The following DIPK1B variants were observed in gnomAD, a reference collection of about 807,000 sequenced individuals.
The protein encoded by DIPK1B is family with sequence similarity 69 member B.
Under a neutral mutation model 20.7 loss-of-function variants are expected in DIPK1B, and 17 were observed. The observed-to-expected ratio is 0.82, with a 90% CI of 0.56 to 1.23. DIPK1B has a LOEUF of 1.23. Among genes scored for constraint, DIPK1B ranks in the 50% most tolerant of loss-of-function variants. The pLI is 0.00. For synonymous variants in DIPK1B, 343 were observed against 276.5 expected (o/e 1.24, Z -2.39); for missense variants, 648 against 601.8 (o/e 1.08, Z -0.80).
At chr9:136,716,573 T>C (rs546803394) in intron 1 of DIPK1B, among the ~76,000 whole-genome samples, 1 of 151,960 alleles carries the variant, frequency 6.6e-6, no homozygotes, top group African/African-American at 2.4e-5. Context: ...AGCTAATTTT[T>C]GTATTTTTGT....
At chr9:136,713,970 C>T (rs975142883) in intron 1 of DIPK1B, among the ~76,000 whole-genome samples, 2 of 152,196 alleles carry the variant, frequency 1.3e-5, no homozygotes, top group Non-Finnish European at 2.9e-5. Context: ...CAAGTGGCTA[C>T]ACCGGGAGCT....
chr9:136,716,194 A>T (rs1846493956), intron 1 of DIPK1B, among the ~76,000 whole-genome samples: 1 of 148,554 alleles, frequency 6.7e-6, no homozygotes. Context: ...CTGCTCTTCC[A>T]TCCCCCGGCT....
At chr9:136,721,852 TGTGGGCAGGGGCTCA>T in intron 2 of DIPK1B, 54 bp from the exon 3 acceptor site, 3 of 1,442,480 alleles carry the variant, frequency 2.1e-6, no homozygotes, top group South Asian at 2.3e-5. Flanking sequence ...GCTTCGGGCC[TGTGGGCAGGGGCTCA>T]GTGGGGCAGG....
Position 136,722,147 on chromosome 9 carries a change from A to C in DIPK1B, c.329A>C (p.Asp110Ala), listed in dbSNP as rs563847420. The change falls in exon 4 of 5, where the codon GAC (aspartate) becomes GCC (alanine). Residue 110 changes from aspartate (D) to alanine (A), a missense_variant. Coordinates refer to ENST00000371692, the MANE Select transcript of DIPK1B (RefSeq NM_152421.4). ...GQQVYSGLWR[D>A]KDVTIKCGIE... ...CAGGTGTACAGCGGGCTCTGGCGGGACAAGGATGTAACCATCAAGTGTGGC... is the reference window on the plus strand; with the variant it reads ...CAGGTGTACAGCGGGCTCTGGCGGGCCAAGGATGTAACCATCAAGTGTGGC... The C allele has an allele frequency of 1.2e-6, 2 of 1,613,924 alleles. No individual in the cohort carries two copies. Among genetic ancestry groups the C allele is most frequent in the African/African-American group, 1.3e-5 (1 of 75,014 alleles).
chr9:136,717,437 CGGG>C (rs1240092008), intron 1 of DIPK1B, 137 bp from the exon 2 acceptor site: 9 of 928,390 alleles, frequency 9.7e-6, no homozygotes, highest in Non-Finnish European at 1.3e-5. Flanking sequence ...TTCTAGAAGA[CGGG>C]GGTGCCAGGG....
At chr9:136,719,128 C>T (rs1846549034) in intron 2 of DIPK1B, among the ~76,000 whole-genome samples, 1 of 150,764 alleles carries the variant, frequency 6.6e-6, no homozygotes, top group South Asian at 2.1e-4. Flanking sequence ...AGGGGCCGGA[C>T]CTCCGGGCCG....
At chr9:136,719,640 G>A (rs1281859053) in intron 2 of DIPK1B, among the ~76,000 whole-genome samples, 4 of 152,166 alleles carry the variant, frequency 2.6e-5, no homozygotes, top group Non-Finnish European at 4.4e-5. Flanking sequence ...CCAAGCACAC[G>A]CCCGCCTCAG....
At chr9:136,713,608 G>A (rs1032757729) in intron 1 of DIPK1B, among the ~76,000 whole-genome samples, 1 of 152,236 alleles carries the variant, frequency 6.6e-6, no homozygotes, top group African/African-American at 2.4e-5. Context: ...CTTGGGGCAG[G>A]GTGAGAGCTA....
chr9:136,712,802 C>G lies in DIPK1B; in HGVS notation c.63+74C>G. On this transcript the variant is annotated intron_variant, in intron 1 of 4. Transcript: ENST00000371692. This position sits in a 1 kb window ranked among gnomAD's most constrained non-coding sequence, Gnocchi z 5.6. ...GCCGAGCTCCAGCCCCGGAGTGGGC[C>G]GAGTACGGAGCGGGGCCCCGGGTTC... 1.8e-6 allele frequency: 2 copies of G among 1,109,230 alleles called. No homozygotes were observed. The highest frequency in any genetic ancestry group is 6.7e-5 in the East Asian group (2 of 30,004). 68.7% of individuals were successfully genotyped at this position (1,109,230 alleles called of 1,614,324 possible).
At chr9:136,720,013 G>A (rs1199385094) in intron 2 of DIPK1B, among the ~76,000 whole-genome samples, 43 of 147,750 alleles carry the variant, frequency 2.9e-4, no homozygotes, top group Non-Finnish European at 5.4e-4. Flanking sequence ...AGGGGGCTGT[G>A]TGGTCTGGGG....
intron 4 of DIPK1B, 183 bp downstream of exon 4, chr9:136,722,484 T>G (rs1352840003): frequency 1.3e-6 from 1 of 772,468 alleles, no homozygotes; most frequent in African/African-American, 1.8e-5. Context: ...TCTCCAGGGC[T>G]GGGGGCAAGG....
intron 1 of DIPK1B, among the ~76,000 whole-genome samples, chr9:136,716,200 C>A (rs574592901): frequency 1.3e-5 from 2 of 151,796 alleles, no homozygotes; most frequent in Non-Finnish European, 2.9e-5. Flanking sequence ...TTCCATCCCC[C>A]GGCTGTGAAC....
intron 4 of DIPK1B, 44 bp downstream of exon 4, chr9:136,722,345 G>C (rs775314600): frequency 6.3e-7 from 1 of 1,581,674 alleles, no homozygotes. Flanking sequence ...TCCACACCAC[G>C]GTCATATGCC....
rs573242759 is a variant in DIPK1B, at chr9:136,715,608, G to A, written c.64-1969G>A. Among the ~76,000 whole-genome samples the A allele has an allele frequency of 2.4e-4, 36 of 151,734 alleles. 1 individual carries two copies. The highest frequency in any genetic ancestry group is 1.7e-3 in the Admixed American group (26 of 15,244). ...CAGCTCACCACAACCTCTGCCTCCCGGGTTCAAGCGATTCTCCTGCCTCAG... is the reference window on the plus strand; with the variant it reads ...CAGCTCACCACAACCTCTGCCTCCCAGGTTCAAGCGATTCTCCTGCCTCAG... On this transcript the variant is annotated intron_variant, in intron 1 of 4. Transcript: ENST00000371692.
In DIPK1B at chr9:136,719,576, G is replaced by A. The variant is rs76532484; in HGVS notation, c.198+1865G>A. On this transcript the variant is annotated intron_variant, in intron 2 of 4. Transcript: ENST00000371692. Reference sequence around the variant, plus strand: ...GTCCCCACTGAGCCCTGCTGCAGGCGGGGAACAGGCTGGGCGGTGAGGGGA... The same window carrying A: ...GTCCCCACTGAGCCCTGCTGCAGGCAGGGAACAGGCTGGGCGGTGAGGGGA... Among the ~76,000 whole-genome samples, 1,241 of 152,352 alleles carry A rather than the reference G, an allele frequency of 8.1e-3. 19 individuals are homozygous for A. The highest frequency in any genetic ancestry group is 0.028 in the African/African-American group (1,172 of 41,584).
rs1564304825 is a variant in DIPK1B, at chr9:136,712,751, GC to G, written c.63+28del. 18 of 1,318,758 alleles carry G rather than the reference GC, an allele frequency of 1.4e-5. No individual in the cohort carries two copies. The highest frequency in any genetic ancestry group is 4.1e-5 in the South Asian group (2 of 48,590). 81.7% of individuals were successfully genotyped at this position (1,318,758 alleles called of 1,614,324 possible). ...CAGGTAAGCGCGGTGCGCGCCCGCC[GC>G]CCCCGGCCGCCTCTGCCTGGGGAGG... On this transcript the variant is annotated intron_variant, in intron 1 of 4. Transcript: ENST00000371692. This position sits in a 1 kb window ranked among gnomAD's most constrained non-coding sequence, Gnocchi z 5.6.
At position 136,723,172 on chromosome 9, in the gene DIPK1B, G is replaced by A. The variant is rs764904106; in HGVS notation, c.694G>A (p.Glu232Lys). 23 of 1,612,992 alleles carry A rather than the reference G, an allele frequency of 1.4e-5. No homozygotes were observed. The highest frequency in any genetic ancestry group is 8.0e-5 in the African/African-American group (6 of 74,948). The change falls in exon 5 of 5, where the codon GAG (glutamate) becomes AAG (lysine). Residue 232 changes from glutamate to lysine, a missense_variant. Coordinates refer to ENST00000371692, the MANE Select transcript of DIPK1B (RefSeq NM_152421.4). ...CTACTGTGGGGACCTCTACCTCACC[G>A]AGGGCGTGCCGCATGGCGCCTGGCA... ...LGYCGDLYLT[E>K]GVPHGAWHAA...
chr9:136,714,740 C>G (rs914602902), intron 1 of DIPK1B, among the ~76,000 whole-genome samples: 1 of 152,256 alleles, frequency 6.6e-6, no homozygotes, highest in Admixed American at 6.5e-5. Context: ...GGGCTCCCCA[C>G]ACCGGAGCCA....
intron 4 of DIPK1B, chr9:136,722,681 G>A (rs1475909910): frequency 5.2e-6 from 3 of 575,828 alleles, no homozygotes; most frequent in Non-Finnish European, 9.2e-6. Context: ...AAGCTCTGAG[G>A]CTTCTCTGCC....
Sources: allele counts gnomAD v4.1 joint callset (sites outside exome capture counted in the v4.1 genomes callset), GRCh38; gene constraint gnomAD v4.1.1; non-coding constraint Gnocchi (gnomAD v3.1); transcripts MANE v1.5; gene names NCBI Gene and HGNC (gene_info 2026-07-23, HGNC 2026-07-21).